DDX51: variants seen among roughly 807,000 people sequenced by gnomAD.
DDX51 encodes the protein DEAD-box helicase 51, also known as ATP-dependent RNA helicase DDX51.
Under a neutral mutation model 74.6 loss-of-function variants are expected in DDX51, and 67 were observed. That is an observed-to-expected ratio of 0.90 (90% CI 0.74 to 1.10). The LOEUF (loss-of-function observed/expected upper bound fraction) is 1.10. Ranked by LOEUF, DDX51 falls within the 50% of genes least tolerant of loss-of-function variation. DDX51 has a pLI of 0.00. For missense variants in DDX51, 1,056 were observed against 905.2 expected (o/e 1.17, Z -2.14); for synonymous variants, 545 against 402.9 (o/e 1.35, Z -4.22).
In DDX51 at chr12:132,140,552, A is replaced by C; in HGVS notation, c.1557-13T>G. On this transcript the variant is annotated splice_polypyrimidine_tract_variant and intron_variant, in intron 10 of 14. Coordinates refer to ENST00000397333, the MANE Select transcript of DDX51 (RefSeq NM_175066.4). ...CAGCAGGAAGAGCCTAGGCAGAGAG[A>C]AGGCTGCGGCCAAGTGATGCTGGGA... is the stretch of plus-strand genomic sequence containing the variant. 1 of 1,612,906 alleles carries C rather than the reference A, an allele frequency of 6.2e-7. No individual in the cohort carries two copies. The highest frequency in any genetic ancestry group is 8.5e-7 in the Non-Finnish European group (1 of 1,179,972).
At chr12:132,140,238 G>A (rs1330777094) in intron 11 of DDX51, 39 bp from the exon 12 acceptor site, 6 of 1,597,696 alleles carry the variant, frequency 3.8e-6, no homozygotes, top group African/African-American at 1.3e-5. Context: ...GACGTGCCAG[G>A]AGCAGGGGCC....
At position 132,141,642 on chromosome 12, in the gene DDX51, TTCTC is replaced by T. The variant is rs1251656841; in HGVS notation, c.996-40_996-37del. 3 of 1,541,226 alleles carry T rather than the reference TTCTC, an allele frequency of 1.9e-6. No individual in the cohort carries two copies. In the African/African-American group the frequency reaches 4.1e-5, roughly 21 times the overall value. ...GAGAGCAGCTCGAGAGAAGGAAGCT[TTCTC>T]AAGGGCTTCCGGATAGCAAGACGCT... On this transcript the variant is annotated intron_variant, in intron 6 of 14. Coordinates refer to ENST00000397333, the MANE Select transcript of DDX51 (RefSeq NM_175066.4).
At chr12:132,140,760 G>T (rs1897422991) in intron 9 of DDX51, 25 bp from the exon 10 acceptor site, 2 of 1,612,916 alleles carry the variant, frequency 1.2e-6, no homozygotes, top group Non-Finnish European at 1.7e-6. Flanking sequence ...GGGGGTCGGG[G>T]TGGAGGTGAG....
rs1054111077 is a variant in DDX51, at chr12:132,137,203, G to A, written c.*2069C>T. 9 of 152,180 alleles carry A rather than the reference G, an allele frequency of 5.9e-5. No homozygotes were observed. The highest frequency in any genetic ancestry group is 2.2e-4 in the African/African-American group (9 of 41,424). The allele number at this position is 152,180 out of a possible 1,614,324, so 9.4% of individuals were successfully genotyped here. Reference sequence around the variant, plus strand: ...TTTTAGCTTCCCTTAGTGCACCTAAGGGGACGGGAATGTGCTTATTAGGGT... The same window carrying A: ...TTTTAGCTTCCCTTAGTGCACCTAAAGGGACGGGAATGTGCTTATTAGGGT... On this transcript the variant is annotated 3_prime_UTR_variant, in exon 15 of 15. Transcript: ENST00000397333.
Position 132,141,000 on chromosome 12 carries a change from G to A in DDX51, c.1271C>T (p.Pro424Leu), listed in dbSNP as rs777637438. Residue 424 changes from proline (P) to leucine (L), a missense_variant, in exon 9 of 15, where the codon CCC becomes CTC. Coordinates refer to ENST00000397333, the MANE Select transcript of DDX51 (RefSeq NM_175066.4). ...TAASTCCPQM[P>L]LQKLLFSATL... The stretch of plus-strand genomic sequence containing the variant: ...AGCTGAGAAGAGCAGCTTCTGCAGG[G>A]GCATCTGGGGACAGCAGGTGCTGGA... 145 of 1,598,122 alleles carry A rather than the reference G, an allele frequency of 9.1e-5. No individual in the cohort carries two copies. Among genetic ancestry groups the A allele is most frequent in the Non-Finnish European group, 2.6e-5 (31 of 1,174,468 alleles).
In DDX51 at chr12:132,140,913, G is replaced by A. The variant is rs780285862; in HGVS notation, c.1358C>T (p.Ser453Phe). 3.1e-6 allele frequency: 5 copies of A among 1,613,282 alleles called. No homozygotes were observed. The highest frequency in any genetic ancestry group is 2.7e-5 in the African/African-American group (2 of 74,898). ...QLGLHQPRLF[S>F]TGLAHRGLED... ...CAGGCCCCTGTGTGCTAGCCCTGTG[G>A]AGAAAAGCCGGGGCTGGTGGAGGCC... The change falls in exon 9 of 15, where the codon TCC becomes TTC. Residue 453 changes from serine (S) to phenylalanine (F), a missense_variant. Physicochemically the swap from Ser to Phe is radical, Grantham distance 155 (BLOSUM62 -2). Coordinates refer to ENST00000397333, the MANE Select transcript of DDX51 (RefSeq NM_175066.4).
intron 2 of DDX51, chr12:132,143,329 A>C: frequency 2.3e-6 from 1 of 436,254 alleles, no homozygotes; most frequent in Non-Finnish European, 4.1e-6. Context: ...TCTCGCCGGA[A>C]ATCTCTTTAC....
At position 132,141,318 on chromosome 12, in the gene DDX51, C is replaced by T. The variant is rs200793638; in HGVS notation, c.1207G>A (p.Ala403Thr). ...TGGGCCTGCCTTCGCTGGAGCAGGG[C>T]ACAGGGGTCCGCGGGGTCCTCGCTC... is the stretch of plus-strand genomic sequence containing the variant. Reference protein sequence around the residue: ...FQSEDPADPCALLQRRQAQAV... With the variant: ...FQSEDPADPCTLLQRRQAQAV... Residue 403 changes from alanine to threonine, a missense_variant, in exon 8 of 15, where the codon GCC becomes ACC. Transcript: ENST00000397333. The T allele has an allele frequency of 1.3e-6, 2 of 1,598,804 alleles. No individual in the cohort carries two copies. The highest frequency in any genetic ancestry group is 2.7e-5 in the African/African-American group (2 of 75,042).
In DDX51 at chr12:132,140,506, C is replaced by T. The variant is rs374338077; in HGVS notation, c.1590G>A (p.Val530=). 4 of 1,613,030 alleles carry T rather than the reference C, an allele frequency of 2.5e-6. No homozygotes were observed. The African/African-American group carries it at 4.0e-5, about 16-fold the overall frequency. The part of the protein sequence containing the change: ...LFLLVQAFGG[V]DVAEFSSRYG... ...AGCGCGAGGAGAACTCAGCCACGTC[C>T]ACACCCCCAAAAGCTTGCACCAGCA... The change falls in exon 11 of 15, where the codon GTG becomes GTA. Residue 530 remains valine, a synonymous_variant. Coordinates refer to ENST00000397333, the MANE Select transcript of DDX51 (RefSeq NM_175066.4).
chr12:132,142,628 C>A, intron 3 of DDX51, 100 bp downstream of exon 3: 2 of 1,532,752 alleles, frequency 1.3e-6, no homozygotes, highest in Non-Finnish European at 1.8e-6. Flanking sequence ...CCACACTTGG[C>A]ACCGATGTGG....
chr12:132,143,814 C>T lies in DDX51; in HGVS notation c.400G>A (p.Glu134Lys). Residue 134 changes from glutamate (E) to lysine (K), a missense_variant, in exon 2 of 15, where the codon GAG becomes AAG. By Grantham distance (56) the Glu-to-Lys change is moderately conservative. Coordinates refer to ENST00000397333, the MANE Select transcript of DDX51 (RefSeq NM_175066.4). ...SAGSSEEAPG[E>K]RSTSASAEAA... ...TCGGCGCTGGCGCTGGTGCTGCGCT[C>T]CCCCGGCGCCTCCTCGCTGCTCCCT... 6 of 1,526,638 alleles carry T rather than the reference C, an allele frequency of 3.9e-6. No individual in the cohort carries two copies. Among genetic ancestry groups the T allele is most frequent in the Non-Finnish European group, 5.2e-6 (6 of 1,143,120 alleles). 94.6% of individuals were successfully genotyped at this position (1,526,638 alleles called of 1,614,324 possible). A position where few individuals can be genotyped will look rare whatever the true frequency, so the allele number is the denominator to read the frequency against.
intron 12 of DDX51, 37 bp from the exon 13 acceptor site, chr12:132,139,961 G>A: frequency 6.2e-7 from 1 of 1,612,400 alleles, no homozygotes; most frequent in Non-Finnish European, 8.5e-7. Flanking sequence ...ACTGGCCCCT[G>A]AGCCTTCAAG....
intron 8 of DDX51, 104 bp downstream of exon 8, chr12:132,141,171 C>T (rs964728523): frequency 1.4e-5 from 21 of 1,503,044 alleles, no homozygotes; most frequent in Non-Finnish European, 1.9e-5. Context: ...CGGTTCTGTG[C>T]ACCAGAGCTC....
chr12:132,139,525 G>C (rs1179217484), intron 14 of DDX51, 110 bp downstream of exon 14: 1 of 1,599,502 alleles, frequency 6.3e-7, no homozygotes, highest in South Asian at 1.1e-5. Context: ...GTGACCCTCT[G>C]TTGCCTTCTC....
intron 3 of DDX51, 149 bp downstream of exon 3, chr12:132,142,579 G>A (rs1004117564): frequency 1.4e-5 from 20 of 1,465,446 alleles, no homozygotes; most frequent in African/African-American, 2.8e-5. Flanking sequence ...CCAGCCTCAG[G>A]AGACCCAAGT....
chr12:132,143,068 C>G, intron 2 of DDX51, 190 bp from the exon 3 acceptor site: 2 of 686,030 alleles, frequency 2.9e-6, no homozygotes, highest in East Asian at 2.9e-5. Flanking sequence ...ACTCCCTGAG[C>G]AAACTCACTC....
chr12:132,141,913 C>A lies in DDX51; in HGVS notation c.932G>T (p.Arg311Ile), dbSNP rs1456987114. The A allele has an allele frequency of 6.2e-7, 1 of 1,613,116 alleles. No individual in the cohort carries two copies. The highest frequency in any genetic ancestry group is 8.5e-7 in the Non-Finnish European group (1 of 1,180,022). The stretch of plus-strand genomic sequence containing the variant: ...CTTCTGTCCCGTAACCAGGGAGACT[C>A]TCAGAGGTGTGGCATCTGTGTAGAT... The part of the protein sequence containing the change: ...FNIYTDATPL[R>I]VSLVTGQKSL... The change falls in exon 6 of 15, where the codon AGA (arginine) becomes ATA (isoleucine). Residue 311 changes from arginine to isoleucine, a missense_variant. Arg to Ile is a moderately conservative substitution (Grantham distance 97). Coordinates refer to ENST00000397333, the MANE Select transcript of DDX51 (RefSeq NM_175066.4).
chr12:132,140,340 A>G, intron 11 of DDX51, 83 bp downstream of exon 11: 1 of 1,577,704 alleles, frequency 6.3e-7, no homozygotes, highest in Non-Finnish European at 8.7e-7. Flanking sequence ...TTGCAGAAGG[A>G]AGCACCTTTT....
rs776991783 is a variant in DDX51, at chr12:132,141,521, T to C, written c.1081A>G (p.Ser361Gly). ...VDHIDQTPGF[S>G]LQQLRFLIID... ...ACCAGGAAGCGGAGCTGCTGGAGGC[T>C]GAATCCTGGGGTCTGGTCGATGTGG... The change falls in exon 7 of 15, where the codon AGC becomes GGC. Residue 361 changes from serine (S) to glycine (G), a missense_variant. Transcript: ENST00000397333. The C allele has an allele frequency of 6.3e-7, 1 of 1,599,390 alleles. No homozygotes were observed. The highest frequency in any genetic ancestry group is 8.5e-7 in the Non-Finnish European group (1 of 1,175,768).
Sources: allele counts gnomAD v4.1 joint callset, GRCh38; gene constraint gnomAD v4.1.1; transcripts MANE v1.5; gene names NCBI Gene and HGNC (gene_info 2026-07-23, HGNC 2026-07-21).